Variants in ANTXR1 observed in about 807,000 individuals in gnomAD.
The protein encoded by ANTXR1 is ANTXR cell adhesion molecule 1.
In ANTXR1, 19 loss-of-function variants were observed where a neutral mutation model predicts 78.1. That is an observed-to-expected ratio of 0.24 (90% CI 0.17 to 0.36). ANTXR1 has a LOEUF of 0.36. ANTXR1 is among the 10% of genes least tolerant of loss of function. ANTXR1 has a pLI of 1.00. For missense variants in ANTXR1, 518 were observed against 718.6 expected, an observed-to-expected ratio of 0.72 and a Z score of 3.19; for synonymous variants, 273 against 260.5, an observed-to-expected ratio of 1.05 and a Z score of -0.46.
intron 17 of ANTXR1, among the ~76,000 whole-genome samples, chr2:69,234,329 A>C (rs1675699127): frequency 6.6e-6 from 1 of 152,230 alleles, no homozygotes; most frequent in African/African-American, 2.4e-5. Context: ...GTGGTAGATT[A>C]TTTAACAAAT....
chr2:69,048,292 T>C (rs1669833963), intron 3 of ANTXR1, among the ~76,000 whole-genome samples: 1 of 152,310 alleles, frequency 6.6e-6, no homozygotes, highest in Middle Eastern at 3.4e-3. Context: ...TACCTACTAG[T>C]ACACTGAATG....
At chr2:69,181,758 T>C in intron 14 of ANTXR1, 28 bp from the exon 15 acceptor site, 6 of 1,611,786 alleles carry the variant, frequency 3.7e-6, no homozygotes, top group Non-Finnish European at 5.1e-6. Context: ...CTGTTTTGCT[T>C]CCTTCATGTG....
chr2:69,132,405 G>C (rs189429587), intron 12 of ANTXR1, among the ~76,000 whole-genome samples: 1 of 152,314 alleles, frequency 6.6e-6, no homozygotes, highest in African/African-American at 2.4e-5. Flanking sequence ...ATTACCAGTT[G>C]CTTTAAAGCG....
chr2:69,139,910 G>T (rs1673024283), intron 12 of ANTXR1, among the ~76,000 whole-genome samples: 1 of 152,114 alleles, frequency 6.6e-6, no homozygotes, highest in Non-Finnish European at 1.5e-5. Flanking sequence ...CATAATATTT[G>T]AGCACTACTA....
chr2:69,105,928 T>C (rs1271721320), intron 10 of ANTXR1, among the ~76,000 whole-genome samples: 1 of 152,174 alleles, frequency 6.6e-6, no homozygotes, highest in East Asian at 1.9e-4. Flanking sequence ...AATAGCAAGC[T>C]ATATGAAGCA....
intron 3 of ANTXR1, among the ~76,000 whole-genome samples, chr2:69,063,860 G>T (rs1371913626): frequency 3.3e-5 from 5 of 151,850 alleles, no homozygotes; most frequent in African/African-American, 9.7e-5. Context: ...ATAAAATAAG[G>T]ATGCATATTA....
intron 6 of ANTXR1, among the ~76,000 whole-genome samples, chr2:69,073,689 T>TG (rs1445260153): frequency 6.6e-6 from 1 of 152,212 alleles, no homozygotes; most frequent in Non-Finnish European, 1.5e-5. Context: ...TTACCTTGTA[T>TG]AAATAGACTT....
At chr2:69,215,178 A>G (rs34160927) in intron 17 of ANTXR1, among the ~76,000 whole-genome samples, 45,869 of 152,136 alleles carry the variant, frequency 0.3, 8,228 homozygotes, top group Non-Finnish European at 0.4. Context: ...CTCTCCAAGT[A>G]GCCCCATGGG....
chr2:69,157,036 C>G (rs1189071326), intron 13 of ANTXR1, among the ~76,000 whole-genome samples: 1 of 152,192 alleles, frequency 6.6e-6, no homozygotes, highest in Admixed American at 6.5e-5. Context: ...CCTCTCCTTC[C>G]CTCTTCCTCC....
At chr2:69,020,708 CT>C (rs1453185442) in intron 1 of ANTXR1, among the ~76,000 whole-genome samples, 6 of 152,320 alleles carry the variant, frequency 3.9e-5, no homozygotes, top group Middle Eastern at 3.4e-3. Context: ...GCCTCTCCCC[CT>C]GATTACTCTG....
intron 1 of ANTXR1, among the ~76,000 whole-genome samples, chr2:69,015,107 C>T (rs547922855): frequency 2.6e-5 from 4 of 151,178 alleles, no homozygotes; most frequent in African/African-American, 9.7e-5. Flanking sequence ...ATCACCATGT[C>T]TCTGAATGGA....
rs531999496 is a variant in ANTXR1, at chr2:69,071,639, A to G, written c.379-115A>G. On this transcript the variant is annotated intron_variant, in intron 4 of 17. Transcript: ENST00000303714. ...TGAGCAAAGCCTGGGTGAATTACAT[A>G]AGGAATCAAGACTGAATTGGCTGCA... The G allele has an allele frequency of 8.9e-5, 90 of 1,010,422 alleles. 1 individual carries two copies. In the South Asian group the frequency reaches 1.2e-3, roughly 13 times the overall value. The allele number at this position is 1,010,422 out of a possible 1,614,324, so 62.6% of individuals were successfully genotyped here.
intron 2 of ANTXR1, among the ~76,000 whole-genome samples, chr2:69,042,071 C>T (rs912015284): frequency 3.3e-5 from 5 of 152,128 alleles, no homozygotes; most frequent in African/African-American, 1.2e-4. Flanking sequence ...TTTATTTATT[C>T]ATTTTAATAA....
chr2:69,168,592 TC>T (rs983727862), intron 13 of ANTXR1, among the ~76,000 whole-genome samples: 17 of 152,190 alleles, frequency 1.1e-4, no homozygotes, highest in African/African-American at 4.1e-4. Flanking sequence ...CTCACTCCCT[TC>T]CCTACCCCTG....
intron 1 of ANTXR1, among the ~76,000 whole-genome samples, chr2:69,019,121 C>T (rs1177102967): frequency 6.6e-6 from 1 of 152,196 alleles, no homozygotes; most frequent in Non-Finnish European, 1.5e-5. Flanking sequence ...TATGCTAAAA[C>T]ACACAGATGT....
At chr2:69,174,166 G>T (rs895171047) in intron 14 of ANTXR1, among the ~76,000 whole-genome samples, 1 of 152,170 alleles carries the variant, frequency 6.6e-6, no homozygotes, top group African/African-American at 2.4e-5. Context: ...GCAAATCAAG[G>T]TCTTAGAATC....
At chr2:69,165,851 T>C (rs1431888656) in intron 13 of ANTXR1, among the ~76,000 whole-genome samples, 2 of 152,166 alleles carry the variant, frequency 1.3e-5, no homozygotes, top group African/African-American at 4.8e-5. Context: ...TCAATACTGC[T>C]AGAGAAAAAA....
Position 69,130,248 on chromosome 2 carries a change from G to T in ANTXR1, c.951+5605G>T, listed in dbSNP as rs115838128. ...GGAAAGTCACAATCTTTGAAGAAAA[G>T]AAAATGACCTAAAGTTAGACACAAG... On this transcript the variant is annotated intron_variant, in intron 12 of 17. Coordinates refer to ENST00000303714, the MANE Select transcript of ANTXR1 (RefSeq NM_032208.3). Among the ~76,000 whole-genome samples, 95 of 152,244 alleles carry T rather than the reference G, an allele frequency of 6.2e-4. 1 individual carries two copies. The highest frequency in any genetic ancestry group is 2.1e-3 in the African/African-American group (88 of 41,554).
chr2:69,115,546 T>C (rs1053642798), intron 10 of ANTXR1, among the ~76,000 whole-genome samples: 17 of 152,214 alleles, frequency 1.1e-4, no homozygotes, highest in African/African-American at 4.1e-4. Context: ...TGAAAAACCT[T>C]GCCCATGGTG....
Sources: allele counts gnomAD v4.1 joint callset (sites outside exome capture counted in the v4.1 genomes callset), GRCh38; gene constraint gnomAD v4.1.1; transcripts MANE v1.5; gene names NCBI Gene and HGNC (gene_info 2026-07-23, HGNC 2026-07-21).